ATP9A: variants seen among roughly 807,000 people sequenced by gnomAD.
The protein encoded by ATP9A is ATPase phospholipid transporting 9A, also known as probable phospholipid-transporting ATPase IIA.
ATP9A carries 52 observed loss-of-function variants against 144.1 expected under a neutral mutation model. That is an observed-to-expected ratio of 0.36 (90% CI 0.29 to 0.45). ATP9A has a LOEUF of 0.45. Ranked by LOEUF, ATP9A falls within the 20% of genes least tolerant of loss-of-function variation. The probability of loss-of-function intolerance (pLI) is 1.00; values close to 1 mark genes in which losing one functional copy is unlikely to be tolerated. For synonymous variants in ATP9A, 582 were observed against 557.4 expected (o/e 1.04, Z -0.62); for missense variants, 947 against 1,392.7 (o/e 0.68, Z 5.09).
intron 3 of ATP9A, among the ~76,000 whole-genome samples, chr20:51,718,283 G>A (rs2077671023): frequency 6.6e-6 from 1 of 151,908 alleles, no homozygotes; most frequent in East Asian, 1.9e-4. Context: ...GCATAAGTAA[G>A]AAGGCACTGG....
chr20:51,755,958 GA>G lies in ATP9A; in HGVS notation c.68+12343del, dbSNP rs139135085. 1.6e-3 allele frequency among the ~76,000 whole-genome samples: 228 copies of G among 142,226 alleles called. 3 individuals are homozygous for G. The highest frequency in any genetic ancestry group is 7.3e-3 in the Middle Eastern group (2 of 274). The allele number at this position is 142,226 out of a possible 152,430, so 93.3% of individuals were successfully genotyped here. A position where few individuals can be genotyped will look rare whatever the true frequency, so the allele number is the denominator to read the frequency against. On this transcript the variant is annotated intron_variant, in intron 1 of 27. Coordinates refer to ENST00000338821, the MANE Select transcript of ATP9A (RefSeq NM_006045.3). ...CGACAGAGCGAGACTCCATCTCAAA[GA>G]AAAAAAAAAAAGTTCATAGCTGCAC...
intron 1 of ATP9A, among the ~76,000 whole-genome samples, chr20:51,753,631 C>G (rs2077842828): frequency 6.6e-6 from 1 of 151,096 alleles, no homozygotes; most frequent in South Asian, 2.1e-4. Flanking sequence ...TTTCCTTTAT[C>G]AGTTTTCTCT....
intron 4 of ATP9A, among the ~76,000 whole-genome samples, chr20:51,709,422 G>A (rs955856061): frequency 1.3e-5 from 2 of 152,180 alleles, no homozygotes; most frequent in African/African-American, 2.4e-5. Context: ...GGCTCGGGCA[G>A]GAGAATCGCT....
At chr20:51,714,214 G>A (rs34639013) in intron 3 of ATP9A, among the ~76,000 whole-genome samples, 13,262 of 150,650 alleles carry the variant, frequency 0.088, 709 homozygotes, top group African/African-American at 0.15. Context: ...ATAGGGTCTC[G>A]CTCTGTCACC....
chr20:51,621,473 G>A (rs1014048708), intron 19 of ATP9A, among the ~76,000 whole-genome samples: 3 of 152,010 alleles, frequency 2.0e-5, no homozygotes, highest in African/African-American at 4.8e-5. Context: ...AAGAGGACCC[G>A]GTCCCCCTAC....
In ATP9A at chr20:51,690,822, G is replaced by A. The variant is rs2077545360; in HGVS notation, c.643-3C>T. The A allele has an allele frequency of 3.7e-6, 6 of 1,613,604 alleles. No homozygotes were observed. In the South Asian group the frequency reaches 5.5e-5, roughly 15 times the overall value. On this transcript the variant is annotated splice_region_variant and splice_polypyrimidine_tract_variant and intron_variant, in intron 7 of 27. Transcript: ENST00000338821. ...TACGATCGAATCTGAAGAAGGTCCT[G>A]TTCAACAGAAGGCACATTCGGGAGT...
At chr20:51,742,775 A>G (rs2077790666) in intron 1 of ATP9A, among the ~76,000 whole-genome samples, 2 of 152,186 alleles carry the variant, frequency 1.3e-5, no homozygotes, top group Admixed American at 6.5e-5. Flanking sequence ...TCGGCCTCCC[A>G]AAGTGCTGGG....
chr20:51,696,018 T>C lies in ATP9A; in HGVS notation c.547+75A>G. On this transcript the variant is annotated intron_variant, in intron 6 of 27. Coordinates refer to ENST00000338821, the MANE Select transcript of ATP9A (RefSeq NM_006045.3). ...CAAAATGATAATCTACTTTGTGACA[T>C]TTTCAAATGATTATTTTGCCAAATT... 3 of 1,362,122 alleles carry C rather than the reference T, an allele frequency of 2.2e-6. No individual in the cohort carries two copies. In the South Asian group the frequency reaches 3.6e-5, roughly 16 times the overall value. 84.4% of individuals were successfully genotyped at this position (1,362,122 alleles called of 1,614,324 possible). A position where few individuals can be genotyped will look rare whatever the true frequency, so the allele number is the denominator to read the frequency against.
intron 13 of ATP9A, among the ~76,000 whole-genome samples, chr20:51,665,291 T>G (rs885781): frequency 0.49 from 74,403 of 151,964 alleles, 18,957 homozygotes; most frequent in East Asian, 0.79. Flanking sequence ...CTTTTTAGGG[T>G]TGATAAAAAT....
At chr20:51,659,003 G>C (rs531804503) in intron 13 of ATP9A, among the ~76,000 whole-genome samples, 1 of 147,086 alleles carries the variant, frequency 6.8e-6, no homozygotes, top group South Asian at 2.1e-4. Flanking sequence ...CGTTCCCTCT[G>C]CTCCAGCCAT....
rs35997419 is a variant in ATP9A, at chr20:51,600,807, AACAC to A, written c.*400_*403del. ...TACATACACATTAGGACTCTTTAAAAACACACACACACACACACACACACACACA... is the reference window on the plus strand; with the variant it reads ...TACATACACATTAGGACTCTTTAAAAACACACACACACACACACACACACA... On this transcript the variant is annotated 3_prime_UTR_variant, in exon 28 of 28. Coordinates refer to ENST00000338821, the MANE Select transcript of ATP9A (RefSeq NM_006045.3). 5,132 of 120,526 alleles carry A rather than the reference AACAC, an allele frequency of 0.043. 115 individuals carry two copies. Among genetic ancestry groups the A allele is most frequent in the African/African-American group, 0.071 (2,663 of 37,282 alleles). 7.5% of individuals were successfully genotyped at this position (120,526 alleles called of 1,614,324 possible). A position where few individuals can be genotyped will look rare whatever the true frequency, so the allele number is the denominator to read the frequency against.
intron 9 of ATP9A, among the ~76,000 whole-genome samples, chr20:51,683,504 G>A (rs780700327): frequency 5.3e-5 from 8 of 151,848 alleles, no homozygotes; most frequent in African/African-American, 9.7e-5. Context: ...GGATGGTCTC[G>A]ATCTCCTGAC....
intron 23 of ATP9A, among the ~76,000 whole-genome samples, chr20:51,612,828 C>T (rs984440988): frequency 3.3e-5 from 5 of 152,146 alleles, no homozygotes; most frequent in Non-Finnish European, 7.3e-5. Context: ...TGTTAACTTC[C>T]AAGGGTATTC....
chr20:51,617,093 C>A (rs146866257), intron 22 of ATP9A, among the ~76,000 whole-genome samples: 2,894 of 152,086 alleles, frequency 0.019, 103 homozygotes, highest in African/African-American at 0.067. Flanking sequence ...AGGCACCCAC[C>A]ACCATGCCCA....
chr20:51,623,432 G>A (rs552142961), intron 18 of ATP9A, among the ~76,000 whole-genome samples: 20 of 152,280 alleles, frequency 1.3e-4, no homozygotes, highest in East Asian at 3.9e-4. Context: ...CCTGGGGAAT[G>A]GAGACGCCTC....
At chr20:51,720,201 T>C (rs1344661127) in intron 3 of ATP9A, among the ~76,000 whole-genome samples, 2 of 152,244 alleles carry the variant, frequency 1.3e-5, no homozygotes, top group Non-Finnish European at 2.9e-5. Flanking sequence ...TCTTGAGTCA[T>C]GTGAATGTAC....
Position 51,613,814 on chromosome 20 carries a change from A to G in ATP9A, c.2434T>C (p.Leu812=). 2.5e-6 allele frequency: 4 copies of G among 1,613,112 alleles called. No homozygotes were observed. The highest frequency in any genetic ancestry group is 3.4e-6 in the Non-Finnish European group (4 of 1,179,656). Residue 812 remains leucine, a synonymous_variant, in exon 23 of 28, where the codon TTG becomes CTG. Coordinates refer to ENST00000338821, the MANE Select transcript of ATP9A (RefSeq NM_006045.3). The part of the protein sequence containing the change: ...VEGKEGKQAS[L]AADFSITQFK... Reference sequence around the variant, plus strand: ...TGAGTGATGGAGAAGTCTGCAGCCAACGAAGCCTGTTTTCCTTCCTAAAAT... The same window carrying G: ...TGAGTGATGGAGAAGTCTGCAGCCAGCGAAGCCTGTTTTCCTTCCTAAAAT...
At chr20:51,659,847 C>T (rs2122773365) in intron 13 of ATP9A, among the ~76,000 whole-genome samples, 1 of 152,310 alleles carries the variant, frequency 6.6e-6, no homozygotes, top group South Asian at 2.1e-4. Context: ...ACTGCGGGGA[C>T]ACAGCGCTCT....
intron 5 of ATP9A, 44 bp from the exon 6 acceptor site, chr20:51,696,188 T>G: frequency 1.3e-6 from 2 of 1,588,806 alleles, no homozygotes; most frequent in Non-Finnish European, 8.6e-7. Context: ...TGAATGACCG[T>G]GTGCTGTGCG....
Sources: gnomAD v4.1 joint callset for allele counts (sites outside exome capture counted in the v4.1 genomes callset) on GRCh38, gnomAD v4.1.1 for gene constraint, MANE v1.5 for transcripts, NCBI Gene and HGNC (gene_info 2026-07-23, HGNC 2026-07-21) for gene names.